Variants in MAP2 observed in about 807,000 individuals in gnomAD.
MAP2 encodes microtubule associated protein 2.
MAP2 carries 14 observed loss-of-function variants against 137.6 expected under a neutral mutation model. That is an observed-to-expected ratio of 0.10 (90% CI 0.07 to 0.16). MAP2 has a LOEUF of 0.16. Ranked by LOEUF, MAP2 falls within the 10% of genes least tolerant of loss-of-function variation. The pLI is 1.00. For synonymous variants in MAP2, 786 were observed against 782.3 expected (o/e 1.00, Z -0.08); for missense variants, 2,088 against 2,191.5 (o/e 0.95, Z 0.94).
At position 209,696,115 on chromosome 2, in the gene MAP2, G is replaced by A. The variant is rs138157736; in HGVS notation, c.3945G>A (p.Glu1315=). Residue 1315 remains glutamate (E), a synonymous_variant, in exon 8 of 16, where the codon GAG becomes GAA. Coordinates refer to ENST00000682079, the MANE Select transcript of MAP2 (RefSeq NM_001375505.1). ...GSHSVRFAAL[E]QPEVERRPSP... is the part of the protein sequence containing the mutation. ...ACAGCGTGCGTTTTGCAGCCCTAGA[G>A]CAGCCTGAGGTGGAAAGGAGACCAT... The A allele has an allele frequency of 4.7e-4, 751 of 1,613,606 alleles. No individual in the cohort carries two copies. The highest frequency in any genetic ancestry group is 5.7e-4 in the Non-Finnish European group (669 of 1,179,844).
At chr2:209,655,692 A>G (rs2095096541) in intron 5 of MAP2, among the ~76,000 whole-genome samples, 1 of 152,200 alleles carries the variant, frequency 6.6e-6, no homozygotes. Context: ...GAGCTGGCGT[A>G]ATATTTTGAT....
At position 209,729,900 on chromosome 2, in the gene MAP2, G is replaced by T. The variant is rs2075443054; in HGVS notation, c.5206G>T (p.Ala1736Ser). Residue 1736 changes from alanine (A) to serine (S), a missense_variant, in exon 15 of 16, where the codon GCC (alanine) becomes TCC (serine). Around this residue, in one of 6 missense-constraint regions of MAP2, gnomAD observed 112 missense variants for 201.0 expected, o/e 0.56. Coordinates refer to ENST00000682079, the MANE Select transcript of MAP2 (RefSeq NM_001375505.1). ...TGTAAAACTAGATTTCAAAGAAAAG[G>T]CCCAAGCTAAAGTTGGTTCTCTTGA... ...ESVKLDFKEK[A>S]QAKVGSLDNA... is the part of the protein sequence containing the mutation. 5 of 1,613,876 alleles carry T rather than the reference G, an allele frequency of 3.1e-6. No homozygotes were observed. The highest frequency in any genetic ancestry group is 4.2e-6 in the Non-Finnish European group (5 of 1,179,880).
intron 1 of MAP2, among the ~76,000 whole-genome samples, chr2:209,431,566 C>T (rs889052962): frequency 6.6e-6 from 1 of 152,010 alleles, no homozygotes; most frequent in Non-Finnish European, 1.5e-5. Flanking sequence ...ATGTTGTGAA[C>T]CTGTGGAGTA....
chr2:209,655,990 A>T (rs772805957), intron 5 of MAP2, among the ~76,000 whole-genome samples: 31 of 152,194 alleles, frequency 2.0e-4, no homozygotes, highest in Non-Finnish European at 3.5e-4. Context: ...TATAAATAAG[A>T]TCACATGATA....
rs541088744 is a variant in MAP2, at chr2:209,646,285, G to T, written c.-29-6857G>T. On this transcript the variant is annotated intron_variant, in intron 4 of 15. Coordinates refer to ENST00000682079, the MANE Select transcript of MAP2 (RefSeq NM_001375505.1). ...ATTACAATGTAAATTAATTTATTAT[G>T]CATTTTTTTTGCACGAGGCAATCAC... 5.9e-5 allele frequency among the ~76,000 whole-genome samples: 9 copies of T among 152,304 alleles called. 1 individual carries two copies. The South Asian group carries it at 1.9e-3, about 32-fold the overall frequency.
chr2:209,492,034 C>A (rs747515121), intron 1 of MAP2, among the ~76,000 whole-genome samples: 2 of 152,262 alleles, frequency 1.3e-5, no homozygotes, highest in East Asian at 1.9e-4. Flanking sequence ...AACATCAATG[C>A]GAAAATCCTC....
intron 1 of MAP2, among the ~76,000 whole-genome samples, chr2:209,427,524 A>G (rs902950483): frequency 3.3e-5 from 5 of 152,036 alleles, no homozygotes; most frequent in Non-Finnish European, 7.4e-5. Context: ...TGATCATTTC[A>G]CCATATTTTC....
chr2:209,449,244 C>T (rs924763660), intron 1 of MAP2, among the ~76,000 whole-genome samples: 1 of 152,098 alleles, frequency 6.6e-6, no homozygotes, highest in Middle Eastern at 3.2e-3. Flanking sequence ...GTGCTTAGCA[C>T]TTTTTTTAAA....
chr2:209,575,075 T>C (rs1022862673), intron 2 of MAP2, among the ~76,000 whole-genome samples: 3 of 152,230 alleles, frequency 2.0e-5, no homozygotes, highest in African/African-American at 7.2e-5. Context: ...AGAGAAGGCA[T>C]GATTTATCAA....
At chr2:209,455,605 A>T (rs1559183746) in intron 1 of MAP2, among the ~76,000 whole-genome samples, 1 of 152,196 alleles carries the variant, frequency 6.6e-6, no homozygotes, top group Non-Finnish European at 1.5e-5. Context: ...AGCATGAATT[A>T]CTTGTATAAA....
At chr2:209,485,570 G>A (rs559503499) in intron 1 of MAP2, among the ~76,000 whole-genome samples, 5 of 152,272 alleles carry the variant, frequency 3.3e-5, no homozygotes, top group East Asian at 1.9e-4. Context: ...ATTACCTGTC[G>A]TTGGGAAGCA....
chr2:209,556,857 T>C (rs2070801472), intron 2 of MAP2, among the ~76,000 whole-genome samples: 1 of 152,078 alleles, frequency 6.6e-6, no homozygotes, highest in Non-Finnish European at 1.5e-5. Context: ...TGAGATTCTT[T>C]TTTAATTATT....
At chr2:209,597,886 G>A (rs2081739638) in intron 3 of MAP2, among the ~76,000 whole-genome samples, 1 of 151,900 alleles carries the variant, frequency 6.6e-6, no homozygotes. Context: ...TTCTGATTTA[G>A]GCTTGACCAT....
intron 2 of MAP2, among the ~76,000 whole-genome samples, chr2:209,560,037 C>G (rs1337345674): frequency 6.6e-6 from 1 of 152,108 alleles, no homozygotes; most frequent in Non-Finnish European, 1.5e-5. Flanking sequence ...CAATATAAAT[C>G]TGTGTGCAGG....
chr2:209,493,358 A>G (rs572931065), intron 1 of MAP2, among the ~76,000 whole-genome samples: 104 of 152,362 alleles, frequency 6.8e-4, no homozygotes, highest in African/African-American at 2.4e-3. Flanking sequence ...ACCATTCAGG[A>G]CATAGGCATG....
intron 6 of MAP2, among the ~76,000 whole-genome samples, chr2:209,680,072 G>A (rs1345714106): frequency 1.3e-5 from 2 of 152,074 alleles, no homozygotes; most frequent in Non-Finnish European, 2.9e-5. Flanking sequence ...AACTGTAAAT[G>A]AATTACATCT....
intron 1 of MAP2, among the ~76,000 whole-genome samples, chr2:209,430,158 T>C (rs1324212136): frequency 1.3e-5 from 2 of 150,268 alleles, no homozygotes; most frequent in Non-Finnish European, 3.0e-5. Flanking sequence ...CTTTTTATCT[T>C]AATAGGTCAT....
chr2:209,447,542 TA>T (rs1699358553), intron 1 of MAP2, among the ~76,000 whole-genome samples: 1 of 151,966 alleles, frequency 6.6e-6, no homozygotes, highest in Admixed American at 6.6e-5. Flanking sequence ...AAAATTTGAG[TA>T]GCCAGCAAAA....
intron 5 of MAP2, among the ~76,000 whole-genome samples, chr2:209,659,175 T>C (rs2042270080): frequency 2.0e-5 from 3 of 152,210 alleles, no homozygotes; most frequent in Non-Finnish European, 4.4e-5. Context: ...GATTTTTTTT[T>C]CTATAGTTTA....
Sources: allele counts gnomAD v4.1 joint callset (sites outside exome capture counted in the v4.1 genomes callset), GRCh38; gene constraint gnomAD v4.1.1; regional missense constraint gnomAD v4.1.1; transcripts MANE v1.5; gene names NCBI Gene and HGNC (gene_info 2026-07-23, HGNC 2026-07-21).